The following SUMO2 variants were observed in gnomAD, a reference collection of about 807,000 sequenced individuals.
The protein encoded by SUMO2 is small ubiquitin like modifier 2.
In SUMO2, 1 loss-of-function variant was observed where a neutral mutation model predicts 16.0. That is an observed-to-expected ratio of 0.06 (90% CI 0.02 to 0.30). The LOEUF is 0.30. SUMO2 is among the 10% of genes least tolerant of loss of function. SUMO2 has a pLI of 1.00. For missense variants in SUMO2, 16 were observed against 117.5 expected, an observed-to-expected ratio of 0.14 and a Z score of 3.99; for synonymous variants, 36 against 40.6, an observed-to-expected ratio of 0.89 and a Z score of 0.43.
At chr17:75,168,987 A>G (rs2074713965) in intron 3 of SUMO2, among the ~76,000 whole-genome samples, 1 of 151,918 alleles carries the variant, frequency 6.6e-6, no homozygotes, top group Non-Finnish European at 1.5e-5. Flanking sequence ...CTGGAGGCCA[A>G]CATTGGAGGA....
intron 3 of SUMO2, 83 bp from the exon 4 acceptor site, chr17:75,168,484 C>T (rs1870484404): frequency 3.4e-6 from 4 of 1,178,186 alleles, no homozygotes; most frequent in Non-Finnish European, 4.8e-6. Context: ...ATGCTGAAAA[C>T]ATGTACATGT....
At chr17:75,172,482 G>A (rs1186681393) in intron 3 of SUMO2, among the ~76,000 whole-genome samples, 2 of 148,524 alleles carry the variant, frequency 1.3e-5, no homozygotes, top group African/African-American at 5.1e-5. Flanking sequence ...ATCATGCCTG[G>A]CTAAATTTTT....
At chr17:75,181,328 C>T in intron 1 of SUMO2, 140 bp from the exon 2 acceptor site, 1 of 844,542 alleles carries the variant, frequency 1.2e-6, no homozygotes. Flanking sequence ...CTGTTTTCAG[C>T]TGCTGAAATC....
chr17:75,179,806 G>GT (rs1414810365), intron 2 of SUMO2, among the ~76,000 whole-genome samples: 1 of 151,996 alleles, frequency 6.6e-6, no homozygotes, highest in Non-Finnish European at 1.5e-5. Flanking sequence ...TTATGCGCGT[G>GT]TAACACCACG....
chr17:75,179,527 C>CAAAAAAA, intron 2 of SUMO2, among the ~76,000 whole-genome samples: 1 of 97,230 alleles, frequency 1.0e-5, no homozygotes, highest in Non-Finnish European at 2.3e-5. Context: ...GACTCTGTCT[C>CAAAAAAA]AAAAAAAAAA....
intron 2 of SUMO2, among the ~76,000 whole-genome samples, chr17:75,177,988 CAAA>C (rs59613076): frequency 1.5e-5 from 1 of 66,398 alleles, no homozygotes; most frequent in African/African-American, 6.8e-5. Context: ...GACTCCGTCT[CAAA>C]AAAAAAAAAA....
intron 2 of SUMO2, among the ~76,000 whole-genome samples, chr17:75,179,910 G>A (rs2074813720): frequency 6.6e-6 from 1 of 152,120 alleles, no homozygotes; most frequent in Non-Finnish European, 1.5e-5. Context: ...CTCCCAAAGT[G>A]CTGGGATTAC....
chr17:75,181,167 T>A lies in SUMO2; in HGVS notation c.43A>T (p.Asn15Tyr). The A allele has an allele frequency of 6.2e-7, 1 of 1,613,978 alleles. No individual in the cohort carries two copies. Among genetic ancestry groups the A allele is most frequent in the Non-Finnish European group, 8.5e-7 (1 of 1,179,976 alleles). ...GCCACCTTCAAATTAATATGATCGT[T>A]GTTCTCAGTCTTGACTCCTTCCTGT... ...KPKEGVKTEN[N>Y]DHINLKVAGQ... The change falls in exon 2 of 4, where the codon AAC (asparagine) becomes TAC (tyrosine). Residue 15 changes from asparagine (N) to tyrosine (Y), a missense_variant. Physicochemically the swap from Asn to Tyr is moderately radical, Grantham distance 143. Coordinates refer to ENST00000420826, the MANE Select transcript of SUMO2 (RefSeq NM_006937.4).
intron 1 of SUMO2, chr17:75,182,594 G>A (rs2074838096): frequency 3.1e-6 from 1 of 320,952 alleles, no homozygotes; most frequent in Non-Finnish European, 5.5e-6. Flanking sequence ...GCACTCGGAG[G>A]CCGCCGGGGG....
In SUMO2 at chr17:75,182,858, C is replaced by G; in HGVS notation, c.-24G>C. 7.2e-7 allele frequency: 1 copy of G among 1,397,530 alleles called. No individual in the cohort carries two copies. 86.6% of individuals were successfully genotyped at this position (1,397,530 alleles called of 1,614,324 possible). A position where few individuals can be genotyped will look rare whatever the true frequency, so the allele number is the denominator to read the frequency against. ...ATGGCGAGCGCCGGAGTCTCCTCAGCTGCCGCTTCACAAAAGAGGTACCAG... is the reference window on the plus strand; with the variant it reads ...ATGGCGAGCGCCGGAGTCTCCTCAGGTGCCGCTTCACAAAAGAGGTACCAG... On this transcript the variant is annotated 5_prime_UTR_variant, in exon 1 of 4. Coordinates refer to ENST00000420826, the MANE Select transcript of SUMO2 (RefSeq NM_006937.4).
rs34641551 is a variant in SUMO2 at position 75,168,131 on chromosome 17, T to TAAA, written c.*205_*207dup. On this transcript the variant is annotated 3_prime_UTR_variant, in exon 4 of 4. Coordinates refer to ENST00000420826, the MANE Select transcript of SUMO2 (RefSeq NM_006937.4). ...CAAAACATACCATTGGCTGTTTAGT[T>TAAA]AAAAAAAAAAAAAATGCAATATGCT... 224 of 366,068 alleles carry TAAA rather than the reference T, an allele frequency of 6.1e-4. No homozygotes were observed. Among genetic ancestry groups the TAAA allele is most frequent in the Non-Finnish European group, 8.5e-4 (179 of 209,700 alleles). 22.7% of individuals were successfully genotyped at this position (366,068 alleles called of 1,614,324 possible).
Position 75,182,957 on chromosome 17 carries a change from G to A in SUMO2, c.-123C>T, listed in dbSNP as rs1195433676. The A allele has an allele frequency of 1.3e-5, 11 of 834,538 alleles. No homozygotes were observed. Among genetic ancestry groups the A allele is most frequent in the Non-Finnish European group, 1.8e-5 (11 of 612,610 alleles). 51.7% of individuals were successfully genotyped at this position (834,538 alleles called of 1,614,324 possible). A position where few individuals can be genotyped will look rare whatever the true frequency, so the allele number is the denominator to read the frequency against. ...GAGGCGGCAGCGGTGGACGAGGGGA[G>A]AGGGTGCGCGCACGTCGTGCGCTCC... On this transcript the variant is annotated 5_prime_UTR_variant, in exon 1 of 4. Transcript: ENST00000420826.
At chr17:75,182,161 G>A (rs1030392116) in intron 1 of SUMO2, among the ~76,000 whole-genome samples, 2 of 152,054 alleles carry the variant, frequency 1.3e-5, no homozygotes, top group Non-Finnish European at 2.9e-5. Context: ...CGGATTAGGG[G>A]TTCGTTGGCA....
chr17:75,175,560 T>C (rs1195004652), intron 2 of SUMO2, among the ~76,000 whole-genome samples: 1 of 151,954 alleles, frequency 6.6e-6, no homozygotes, highest in Non-Finnish European at 1.5e-5. Flanking sequence ...CCTCAGATGA[T>C]CTGACCACCT....
chr17:75,176,518 A>T (rs1239613903), intron 2 of SUMO2, among the ~76,000 whole-genome samples: 1 of 151,958 alleles, frequency 6.6e-6, no homozygotes, highest in African/African-American at 2.4e-5. Flanking sequence ...CGGGAGGCTG[A>T]GGCAGGAGGA....
chr17:75,172,323 GA>G (rs1317496315), intron 3 of SUMO2, among the ~76,000 whole-genome samples: 1 of 25,688 alleles, frequency 3.9e-5, no homozygotes, highest in Non-Finnish European at 8.0e-5. Context: ...ACTGTACCCA[GA>G]CTTTTTTTTT....
At chr17:75,170,327 T>C (rs970550675) in intron 3 of SUMO2, among the ~76,000 whole-genome samples, 1 of 152,110 alleles carries the variant, frequency 6.6e-6, no homozygotes, top group Non-Finnish European at 1.5e-5. Context: ...ATCCCAACAC[T>C]TTGGGAGGCC....
chr17:75,176,263 T>G (rs2074781790), intron 2 of SUMO2, among the ~76,000 whole-genome samples: 1 of 152,032 alleles, frequency 6.6e-6, no homozygotes, highest in Non-Finnish European at 1.5e-5. Flanking sequence ...TGGTCTCAAT[T>G]TCCTGACCTC....
rs1458455456 is a variant in SUMO2 at position 75,168,205 on chromosome 17, G to T, written c.*134C>A. On this transcript the variant is annotated 3_prime_UTR_variant, in exon 4 of 4. Coordinates refer to ENST00000420826, the MANE Select transcript of SUMO2 (RefSeq NM_006937.4). ...ATGTACAATAAAGGAATGGGGAAGG[G>T]GGAAATGAAAGAATAGAGAAAACTA... 1.5e-6 allele frequency: 1 copy of T among 660,568 alleles called. No homozygotes were observed. Among genetic ancestry groups the T allele is most frequent in the Non-Finnish European group, 2.4e-6 (1 of 411,762 alleles). The allele number at this position is 660,568 out of a possible 1,614,324, so 40.9% of individuals were successfully genotyped here. A position where few individuals can be genotyped will look rare whatever the true frequency, so the allele number is the denominator to read the frequency against.
Sources: allele counts gnomAD v4.1 joint callset (sites outside exome capture counted in the v4.1 genomes callset), GRCh38; gene constraint gnomAD v4.1.1; transcripts MANE v1.5; gene names NCBI Gene and HGNC (gene_info 2026-07-23, HGNC 2026-07-21).